Variants in BIRC6 observed in about 807,000 individuals in gnomAD.
BIRC6 encodes baculoviral IAP repeat containing 6.
Under a neutral mutation model 503.3 loss-of-function variants are expected in BIRC6, and 98 were observed. The observed-to-expected ratio is 0.19, with a 90% confidence interval of 0.17 to 0.23. BIRC6 has a LOEUF of 0.23. Ranked by LOEUF, BIRC6 falls within the 10% of genes least tolerant of loss-of-function variation. The pLI, the probability that BIRC6 is intolerant of heterozygous loss-of-function variation, is 1.00. For synonymous variants in BIRC6, 2,240 were observed against 2,078.7 expected, an observed-to-expected ratio of 1.08 and a Z score of -2.11; for missense variants, 5,360 against 5,806.0, an observed-to-expected ratio of 0.92 and a Z score of 2.50.
At chr2:32,367,515 G>A (rs1304235094) in intron 1 of BIRC6, among the ~76,000 whole-genome samples, 4 of 151,912 alleles carry the variant, frequency 2.6e-5, no homozygotes, top group African/African-American at 9.7e-5. Flanking sequence ...GGCTGGGACA[G>A]CGCTGTTAAA....
chr2:32,360,808 C>T (rs1439056788), intron 1 of BIRC6, among the ~76,000 whole-genome samples: 1 of 152,082 alleles, frequency 6.6e-6, no homozygotes, highest in Non-Finnish European at 1.5e-5. Context: ...TGAGGTCTGT[C>T]TCATATTTCA....
At chr2:32,421,660 C>A (rs973907711) in intron 10 of BIRC6, among the ~76,000 whole-genome samples, 2 of 152,084 alleles carry the variant, frequency 1.3e-5, no homozygotes, top group African/African-American at 2.4e-5. Context: ...TCTTTCTGTT[C>A]TGGATCTCAA....
At chr2:32,399,184 C>T (rs1412920393) in intron 6 of BIRC6, among the ~76,000 whole-genome samples, 1 of 152,028 alleles carries the variant, frequency 6.6e-6, no homozygotes, top group Admixed American at 6.6e-5. Flanking sequence ...CTCCCAGGTT[C>T]AAGAGAGTCT....
In BIRC6 at chr2:32,485,769, A is replaced by T; in HGVS notation, c.7813+10A>T. 1 of 1,540,972 alleles carries T rather than the reference A, an allele frequency of 6.5e-7. No homozygotes were observed. The highest frequency in any genetic ancestry group is 9.0e-7 in the Non-Finnish European group (1 of 1,114,126). On this transcript the variant is annotated intron_variant, in intron 40 of 73. Transcript: ENST00000421745. ...AATACATCTCCTACATGTAAGTAAA[A>T]TGACCATTTTTAGAGTATTGCAGTG...
chr2:32,600,759 G>T (rs912735945), intron 70 of BIRC6, among the ~76,000 whole-genome samples: 26 of 152,174 alleles, frequency 1.7e-4, no homozygotes, highest in African/African-American at 5.8e-4. Flanking sequence ...ACTTACCGAT[G>T]TGTTCCTTGA....
intron 21 of BIRC6, among the ~76,000 whole-genome samples, chr2:32,447,262 G>A (rs1302463245): frequency 2.7e-5 from 4 of 147,038 alleles, no homozygotes; most frequent in Non-Finnish European, 6.0e-5. Context: ...CCAATGAGCC[G>A]CTGGGCACAC....
chr2:32,525,738 C>A, intron 59 of BIRC6, 110 bp downstream of exon 59: 4 of 1,093,004 alleles, frequency 3.7e-6, no homozygotes, highest in Non-Finnish European at 5.2e-6. Context: ...TTGATGAGAT[C>A]AGTGAGTTAG....
chr2:32,610,653 T>C (rs1173515829), intron 72 of BIRC6, among the ~76,000 whole-genome samples: 3 of 152,230 alleles, frequency 2.0e-5, no homozygotes, highest in African/African-American at 7.2e-5. Context: ...TCTGAGTATA[T>C]TGTATCATAT....
At chr2:32,495,914 T>G (rs2052403590) in intron 45 of BIRC6, among the ~76,000 whole-genome samples, 1 of 150,678 alleles carries the variant, frequency 6.6e-6, no homozygotes, top group Non-Finnish European at 1.5e-5. Flanking sequence ...CTCGGCTCAC[T>G]GCAAGCGCCG....
At chr2:32,364,907 CTG>C (rs1458701263) in intron 1 of BIRC6, among the ~76,000 whole-genome samples, 1 of 152,086 alleles carries the variant, frequency 6.6e-6, no homozygotes, top group Non-Finnish European at 1.5e-5. Context: ...GTGATGGAAA[CTG>C]TAAATGATTC....
At chr2:32,496,403 C>G (rs908733532) in intron 45 of BIRC6, among the ~76,000 whole-genome samples, 2 of 151,766 alleles carry the variant, frequency 1.3e-5, no homozygotes, top group African/African-American at 4.8e-5. Flanking sequence ...TTTGTATTTT[C>G]AGTAGAGATG....
intron 57 of BIRC6, 37 bp from the exon 58 acceptor site, chr2:32,524,851 G>T: frequency 7.9e-7 from 1 of 1,259,964 alleles, no homozygotes; most frequent in Non-Finnish European, 1.0e-6. Flanking sequence ...TTAATGATTT[G>T]GAAAAGCAGT....
Position 32,519,018 on chromosome 2 carries a change from A to G in BIRC6, c.11623+72A>G, listed in dbSNP as rs1003755691. ...GTATATGGAGGTTTATTGTTTTTAT[A>G]ACTTTATTTTCTGCATCCACTTTGC... is the stretch of plus-strand genomic sequence containing the variant. On this transcript the variant is annotated intron_variant, in intron 57 of 73. Coordinates refer to ENST00000421745, the MANE Select transcript of BIRC6 (RefSeq NM_016252.4). 2.1e-6 allele frequency: 3 copies of G among 1,438,054 alleles called. No individual in the cohort carries two copies. The Admixed American group carries it at 6.0e-5, about 29-fold the overall frequency. The allele number at this position is 1,438,054 out of a possible 1,614,324, so 89.1% of individuals were successfully genotyped here. A position where few individuals can be genotyped will look rare whatever the true frequency, so the allele number is the denominator to read the frequency against.
At chr2:32,405,356 A>G (rs959270867) in intron 8 of BIRC6, among the ~76,000 whole-genome samples, 2 of 152,182 alleles carry the variant, frequency 1.3e-5, no homozygotes, top group African/African-American at 2.4e-5. Flanking sequence ...TTTATGGGCA[A>G]CTGTTATCAC....
chr2:32,525,330 T>C (rs2056169215), intron 58 of BIRC6, 134 bp from the exon 59 acceptor site: 6 of 960,908 alleles, frequency 6.2e-6, no homozygotes, highest in Admixed American at 5.4e-5. Context: ...AGATTAGATA[T>C]TGGATTAGAA....
Position 32,493,998 on chromosome 2 carries a change from TTGTA to T in BIRC6, c.8468+336_8468+339del, listed in dbSNP as rs2052092091. Among the ~76,000 whole-genome samples the T allele has an allele frequency of 3.3e-5, 5 of 152,294 alleles. No individual in the cohort carries two copies. The South Asian group carries it at 1.0e-3, about 32-fold the overall frequency. ...TTAAACTCTAAAGCTACCAGTGATT[TTGTA>T]TGTAAGAAAACCTGAAAAATAGAGC... On this transcript the variant is annotated intron_variant, in intron 45 of 73. Coordinates refer to ENST00000421745, the MANE Select transcript of BIRC6 (RefSeq NM_016252.4).
At position 32,518,860 on chromosome 2, in the gene BIRC6, A is replaced by C; in HGVS notation, c.11537A>C (p.His3846Pro). ...RINATSHVIQ[H>P]PMYGAGHKFR... ...AATGCTACTAGCCACGTCATCCAGC[A>C]TCCAATGTATGGAGCAGGCCACAAA... Residue 3846 changes from histidine (H) to proline (P), a missense_variant, in exon 57 of 74, where the codon CAT becomes CCT. This residue lies in a region of BIRC6 where 878 missense variants were observed against 928.9 expected (regional missense o/e 0.95). Coordinates refer to ENST00000421745, the MANE Select transcript of BIRC6 (RefSeq NM_016252.4). The C allele has an allele frequency of 6.2e-7, 1 of 1,613,630 alleles. No homozygotes were observed. The highest frequency in any genetic ancestry group is 8.5e-7 in the Non-Finnish European group (1 of 1,179,602).
chr2:32,369,943 AAAATATATATATATATAT>A (rs1481611181), intron 1 of BIRC6, among the ~76,000 whole-genome samples: 1 of 32,312 alleles, frequency 3.1e-5, no homozygotes, highest in African/African-American at 2.1e-4. Context: ...AAAAAAAAAA[AAAATATATATATATATAT>A]ATATATATAT....
At chr2:32,534,300 G>A (rs535505326) in intron 61 of BIRC6, among the ~76,000 whole-genome samples, 1 of 151,398 alleles carries the variant, frequency 6.6e-6, no homozygotes, top group South Asian at 2.1e-4. Flanking sequence ...CTTGAACCCG[G>A]GAGGTGGAGG....
Sources: allele counts gnomAD v4.1 joint callset (sites outside exome capture counted in the v4.1 genomes callset), GRCh38; gene constraint gnomAD v4.1.1; regional missense constraint gnomAD v4.1.1; transcripts MANE v1.5; gene names NCBI Gene and HGNC (gene_info 2026-07-23, HGNC 2026-07-21).